Variants in VPS37A observed in about 807,000 individuals in gnomAD.
VPS37A encodes vacuolar protein sorting-associated protein 37A.
In VPS37A, 30 loss-of-function variants were observed where a neutral mutation model predicts 49.8. That is an observed-to-expected ratio of 0.60 (90% confidence interval 0.45 to 0.82). The LOEUF is 0.82. Ranked by LOEUF, VPS37A falls within the 40% of genes least tolerant of loss-of-function variation. The pLI is 0.00. For synonymous variants in VPS37A, 195 were observed against 160.6 expected, an observed-to-expected ratio of 1.21 and a Z score of -1.62; for missense variants, 593 against 464.4, an observed-to-expected ratio of 1.28 and a Z score of -2.55.
chr8:17,256,804 C>G (rs1043646328), intron 1 of VPS37A, among the ~76,000 whole-genome samples: 3 of 152,052 alleles, frequency 2.0e-5, no homozygotes, highest in Admixed American at 2.0e-4. Context: ...AGGCACTCAC[C>G]ACCACACCCG....
At chr8:17,303,992 A>T (rs7837869), downstream of VPS37A, among the ~76,000 whole-genome samples, 62,418 of 152,076 alleles carry the variant, frequency 0.41, 15,054 homozygotes, top group African/African-American at 0.66. Flanking sequence ...TTTTTGTTGT[A>T]TAACGGCAAA....
At chr8:17,279,245 G>A (rs1468626275) in intron 6 of VPS37A, among the ~76,000 whole-genome samples, 2 of 151,990 alleles carry the variant, frequency 1.3e-5, no homozygotes, top group African/African-American at 4.8e-5. Context: ...GTAGAGTCTT[G>A]GGAGATTTTA....
the VPS37A span, chr8:17,309,367 C>T: frequency 3.7e-5 from 50 of 1,358,532 alleles, no homozygotes; most frequent in Middle Eastern, 3.6e-4. Flanking sequence ...GAGAAGCAAA[C>T]GAAAAATAAG....
chr8:17,272,255 C>G (rs565535249), intron 4 of VPS37A, among the ~76,000 whole-genome samples: 4 of 152,280 alleles, frequency 2.6e-5, no homozygotes, highest in South Asian at 2.1e-4. Context: ...GGTCCCAAAG[C>G]TACTCCCACA....
chr8:17,273,863 C>T (rs1306899229), intron 4 of VPS37A, among the ~76,000 whole-genome samples: 1 of 152,050 alleles, frequency 6.6e-6, no homozygotes, highest in African/African-American at 2.4e-5. Flanking sequence ...AAAATTAATA[C>T]ATTTTGAAAC....
chr8:17,325,017 T>C, the VPS37A span, among the ~76,000 whole-genome samples: 2 of 152,078 alleles, frequency 1.3e-5, no homozygotes, highest in East Asian at 3.9e-4. Context: ...ATTTGCAATA[T>C]CTACAAAGGG....
At chr8:17,331,205 A>C in the VPS37A span, 1 of 1,612,742 alleles carries the variant, frequency 6.2e-7, no homozygotes, top group African/African-American at 1.3e-5. Context: ...CTATCCCGAT[A>C]AACTGAAACT....
chr8:17,270,750 A>C (rs1460514738), intron 4 of VPS37A, among the ~76,000 whole-genome samples: 1 of 152,186 alleles, frequency 6.6e-6, no homozygotes. Flanking sequence ...TCCTAGCCGT[A>C]AGAATTCACC....
chr8:17,322,332 C>G, the VPS37A span, among the ~76,000 whole-genome samples: 2 of 152,194 alleles, frequency 1.3e-5, no homozygotes, highest in Non-Finnish European at 2.9e-5. Flanking sequence ...TTCCAGAATA[C>G]TATTTACCAA....
intron 6 of VPS37A, chr8:17,279,751 C>T (rs751887698): frequency 2.0e-5 from 10 of 491,766 alleles, no homozygotes; most frequent in South Asian, 9.3e-5. Flanking sequence ...CACTTCCCCA[C>T]GGTTGTGATT....
Position 17,247,385 on chromosome 8 carries a change from C to G in VPS37A, c.125+16C>G. On this transcript the variant is annotated intron_variant, in intron 1 of 11. Coordinates refer to ENST00000324849, the MANE Select transcript of VPS37A (RefSeq NM_152415.3). ...CACACTCCAGGTGACTGGTCGCTGCCTCTCCACCGGAGGAAAAAGTAGGGT... is the reference window on the plus strand; with the variant it reads ...CACACTCCAGGTGACTGGTCGCTGCGTCTCCACCGGAGGAAAAAGTAGGGT... 3 of 1,531,928 alleles carry G rather than the reference C, an allele frequency of 2.0e-6. No homozygotes were observed. The highest frequency in any genetic ancestry group is 2.6e-6 in the Non-Finnish European group (3 of 1,140,856). 94.9% of individuals were successfully genotyped at this position (1,531,928 alleles called of 1,614,324 possible). A position where few individuals can be genotyped will look rare whatever the true frequency, so the allele number is the denominator to read the frequency against.
At chr8:17,302,937 C>CT (rs1213471941), downstream of VPS37A, among the ~76,000 whole-genome samples, 1 of 151,952 alleles carries the variant, frequency 6.6e-6, no homozygotes, top group Non-Finnish European at 1.5e-5. Context: ...TCATGAACTC[C>CT]TGACCTCAGG....
In VPS37A at chr8:17,284,594, G is replaced by A. The variant is rs145610084; in HGVS notation, c.1091G>A (p.Ser364Asn). 23 of 1,599,490 alleles carry A rather than the reference G, an allele frequency of 1.4e-5. No homozygotes were observed. The highest frequency in any genetic ancestry group is 2.3e-5 in the East Asian group (1 of 43,584). Residue 364 changes from serine (S) to asparagine (N), a missense_variant, in exon 10 of 12, where the codon AGT (serine) becomes AAT (asparagine). Coordinates refer to ENST00000324849, the MANE Select transcript of VPS37A (RefSeq NM_152415.3). ...AAGATGGAAATAGATGATTTTCTCA[G>A]TAGCTTCATGGAAAAGAGAACAGTA... is the stretch of plus-strand genomic sequence containing the variant. ...EGKMEIDDFL[S>N]SFMEKRTICH...
rs1290210392 is a variant in VPS37A, at chr8:17,274,944, G to C, written c.628G>C (p.Asp210His). ...SNLPLPIPTV[D>H]ASIPTSQNGF... ...TCTGCCATTACCCATTCCCACAGTG[G>C]ATGCTTCAATACCGGTTGGTATCGT... Residue 210 changes from aspartate (D) to histidine (H), a missense_variant, in exon 5 of 12, where the codon GAT becomes CAT. Coordinates refer to ENST00000324849, the MANE Select transcript of VPS37A (RefSeq NM_152415.3). The C allele has an allele frequency of 1.9e-6, 3 of 1,614,016 alleles. No homozygotes were observed. The highest frequency in any genetic ancestry group is 2.2e-5 in the East Asian group (1 of 44,868).
At chr8:17,247,406 A>AGGGT (rs1811350192) in intron 1 of VPS37A, 37 bp downstream of exon 1, 3 of 59,022 alleles carry the variant, frequency 5.1e-5, no homozygotes, top group Non-Finnish European at 1.0e-4. Context: ...AGGAAAAAGT[A>AGGGT]GGGTGGGAGG....
At chr8:17,313,003 T>C in the VPS37A span, among the ~76,000 whole-genome samples, 3 of 152,212 alleles carry the variant, frequency 2.0e-5, no homozygotes, top group Non-Finnish European at 4.4e-5. Flanking sequence ...TCACATTTGG[T>C]TGTATTCTAC....
chr8:17,280,185 T>A (rs747123744), intron 7 of VPS37A, 30 bp downstream of exon 7: 1 of 1,610,030 alleles, frequency 6.2e-7, no homozygotes, highest in Non-Finnish European at 8.5e-7. Flanking sequence ...AGCGCACATT[T>A]CCTGAAAAAA....
chr8:17,326,161 G>A, the VPS37A span, among the ~76,000 whole-genome samples: 1 of 152,134 alleles, frequency 6.6e-6, no homozygotes, highest in Non-Finnish European at 1.5e-5. Context: ...TACCTCGAGA[G>A]GCAGAAAAGC....
chr8:17,247,431 A>G lies in VPS37A; in HGVS notation c.125+62A>G, dbSNP rs546982173. On this transcript the variant is annotated intron_variant, in intron 1 of 11. Coordinates refer to ENST00000324849, the MANE Select transcript of VPS37A (RefSeq NM_152415.3). ...AGGGTGGGAGGGCGGGCTTGTCCTA[A>G]CCACCCTCACAGCGCCTCAGTCTGC... The G allele has an allele frequency of 1.4e-4, 213 of 1,516,680 alleles. No individual in the cohort carries two copies. In the African/African-American group the frequency reaches 2.7e-3, roughly 19 times the overall value. 94.0% of individuals were successfully genotyped at this position (1,516,680 alleles called of 1,614,324 possible). A position where few individuals can be genotyped will look rare whatever the true frequency, so the allele number is the denominator to read the frequency against.
Sources: gnomAD v4.1 joint callset for allele counts (sites outside exome capture counted in the v4.1 genomes callset) on GRCh38, gnomAD v4.1.1 for gene constraint, MANE v1.5 for transcripts, NCBI Gene and HGNC (gene_info 2026-07-23, HGNC 2026-07-21) for gene names.